AP2M1: variants seen among roughly 807,000 people sequenced by gnomAD.
The protein encoded by AP2M1 is adaptor related protein complex 2 subunit mu 1.
AP2M1 carries 5 observed loss-of-function variants against 54.5 expected under a neutral mutation model. The observed-to-expected ratio is 0.09, with a 90% confidence interval of 0.05 to 0.19. AP2M1 has a LOEUF of 0.19. Ranked by LOEUF, AP2M1 falls within the 10% of genes least tolerant of loss-of-function variation. The pLI is 1.00. For missense variants in AP2M1, 178 were observed against 580.2 expected, an observed-to-expected ratio of 0.31 and a Z score of 7.12; for synonymous variants, 186 against 208.2, an observed-to-expected ratio of 0.89 and a Z score of 0.92.
chr3:184,183,744 A>G lies in AP2M1; in HGVS notation c.*128A>G. 2.6e-6 allele frequency: 3 copies of G among 1,164,404 alleles called. No individual in the cohort carries two copies. The highest frequency in any genetic ancestry group is 3.6e-6 in the Non-Finnish European group (3 of 829,446). The allele number at this position is 1,164,404 out of a possible 1,614,324, so 72.1% of individuals were successfully genotyped here. On this transcript the variant is annotated 3_prime_UTR_variant, in exon 12 of 12. Coordinates refer to ENST00000292807, the MANE Select transcript of AP2M1 (RefSeq NM_004068.4). The surrounding 1 kb of genome is among the most constrained non-coding windows in gnomAD (Gnocchi z 5.7). ...GCTGCCTTCCCTTTGCACCAGCCCGAGTCTAGGTCTGGGCCAAGCACATTA... is the reference window on the plus strand; with the variant it reads ...GCTGCCTTCCCTTTGCACCAGCCCGGGTCTAGGTCTGGGCCAAGCACATTA...
Position 184,176,932 on chromosome 3 carries a change from C to T in AP2M1, c.-43-19C>T. ...AGCGATTCTGAGGTCTTCTTTTACCCTGCCCCCGCCTGTCCTAGGTCTGTT... is the reference window on the plus strand; with the variant it reads ...AGCGATTCTGAGGTCTTCTTTTACCTTGCCCCCGCCTGTCCTAGGTCTGTT... On this transcript the variant is annotated intron_variant, in intron 1 of 11. Transcript: ENST00000292807. 1 of 1,561,016 alleles carries T rather than the reference C, an allele frequency of 6.4e-7. No individual in the cohort carries two copies.
At position 184,183,408 on chromosome 3, in the gene AP2M1, A is replaced by G; in HGVS notation, c.1174-74A>G. 1.3e-6 allele frequency: 2 copies of G among 1,593,506 alleles called. No individual in the cohort carries two copies. The highest frequency in any genetic ancestry group is 1.7e-6 in the Non-Finnish European group (2 of 1,168,344). ...ACCTGTAGTAGCGATGAAGTAGGGC[A>G]GGGCAACGGGACTTCCCAGAGGAGA... is the stretch of plus-strand genomic sequence containing the variant. On this transcript the variant is annotated intron_variant, in intron 11 of 11. Coordinates refer to ENST00000292807, the MANE Select transcript of AP2M1 (RefSeq NM_004068.4). This position sits in a 1 kb window ranked among gnomAD's most constrained non-coding sequence, Gnocchi z 5.7.
Position 184,174,962 on chromosome 3 carries a change from G to A in AP2M1, c.-44+3G>A. 1 of 398,812 alleles carries A rather than the reference G, an allele frequency of 2.5e-6. No individual in the cohort carries two copies. 24.7% of individuals were successfully genotyped at this position (398,812 alleles called of 1,614,324 possible). A position where few individuals can be genotyped will look rare whatever the true frequency, so the allele number is the denominator to read the frequency against. ...GAGCAGGGGGCCGAGGACACCAGGTGAGCCGGGGATCTGGCCTTATGGCGT... is the reference window on the plus strand; with the variant it reads ...GAGCAGGGGGCCGAGGACACCAGGTAAGCCGGGGATCTGGCCTTATGGCGT... On this transcript the variant is annotated splice_donor_region_variant and intron_variant, in intron 1 of 11. Coordinates refer to ENST00000292807, the MANE Select transcript of AP2M1 (RefSeq NM_004068.4).
chr3:184,183,779 C>A lies in AP2M1; in HGVS notation c.*163C>A. The A allele has an allele frequency of 3.7e-6, 3 of 812,902 alleles. No homozygotes were observed. The highest frequency in any genetic ancestry group is 2.8e-5 in the East Asian group (1 of 36,036). 50.4% of individuals were successfully genotyped at this position (812,902 alleles called of 1,614,324 possible). The stretch of plus-strand genomic sequence containing the variant: ...TGGGCCAAGCACATTACAAGTGGGA[C>A]CGGTGGAGCAGCCCCTGGGCTCCCT... On this transcript the variant is annotated 3_prime_UTR_variant, in exon 12 of 12. Transcript: ENST00000292807. The surrounding 1 kb of genome is among the most constrained non-coding windows in gnomAD (Gnocchi z 5.7).
In AP2M1 at chr3:184,181,107, G is replaced by T; in HGVS notation, c.588G>T (p.Val196=). ...SPQGQVLSAH[V]SGRVVMKSYL... ...CAGGGCAGGTGCTGAGTGCCCATGT[G>T]TCGGGCCGGGTGGTGATGAAGAGCT... Residue 196 remains valine, a synonymous_variant, in exon 7 of 12, where the codon GTG becomes GTT. Coordinates refer to ENST00000292807, the MANE Select transcript of AP2M1 (RefSeq NM_004068.4). The surrounding 1 kb of genome is among the most constrained non-coding windows in gnomAD (Gnocchi z 5.7). 6.2e-7 allele frequency: 1 copy of T among 1,614,190 alleles called. No homozygotes were observed. Among genetic ancestry groups the T allele is most frequent in the Non-Finnish European group, 8.5e-7 (1 of 1,180,022 alleles).
At position 184,180,104 on chromosome 3, in the gene AP2M1, G is replaced by C; in HGVS notation, c.341-65G>C. 1 of 1,523,996 alleles carries C rather than the reference G, an allele frequency of 6.6e-7. No individual in the cohort carries two copies. Among genetic ancestry groups the C allele is most frequent in the Non-Finnish European group, 9.1e-7 (1 of 1,100,812 alleles). 94.4% of individuals were successfully genotyped at this position (1,523,996 alleles called of 1,614,324 possible). On this transcript the variant is annotated intron_variant, in intron 3 of 11. Transcript: ENST00000292807. The surrounding 1 kb of genome is among the most constrained non-coding windows in gnomAD (Gnocchi z 4.9). ...GGGAGCTGTGCCGGTCAGATGTGTA[G>C]GCCCAAGTAGGGGCTGGAATGAAGA...
Position 184,180,661 on chromosome 3 carries a change from C to T in AP2M1, c.429+11C>T. ...GGCCTCCAGCATCAGGTAAGCTCTT[C>T]CCTCAGCTTCCACCCTTGCAGCTTT... On this transcript the variant is annotated intron_variant, in intron 5 of 11. Coordinates refer to ENST00000292807, the MANE Select transcript of AP2M1 (RefSeq NM_004068.4). This position sits in a 1 kb window ranked among gnomAD's most constrained non-coding sequence, Gnocchi z 4.9. 3 of 1,614,228 alleles carry T rather than the reference C, an allele frequency of 1.9e-6. No homozygotes were observed. Among genetic ancestry groups the T allele is most frequent in the South Asian group, 1.1e-5 (1 of 91,088 alleles).
In AP2M1 at chr3:184,182,643, C is replaced by T; in HGVS notation, c.1062-114C>T. ...GGTTAGCAGGGTCCTGACCACTTCT[C>T]CTTGTTCTGGCACCTCCTGCAAGCT... On this transcript the variant is annotated intron_variant, in intron 10 of 11. Transcript: ENST00000292807. This position sits in a 1 kb window ranked among gnomAD's most constrained non-coding sequence, Gnocchi z 5.5. The T allele has an allele frequency of 1.2e-6, 1 of 836,500 alleles. No individual in the cohort carries two copies. Among genetic ancestry groups the T allele is most frequent in the Non-Finnish European group, 1.9e-6 (1 of 522,656 alleles). 51.8% of individuals were successfully genotyped at this position (836,500 alleles called of 1,614,324 possible).
chr3:184,176,886 A>G, intron 1 of AP2M1, 65 bp from the exon 2 acceptor site: 2 of 1,179,692 alleles, frequency 1.7e-6, no homozygotes, highest in South Asian at 1.5e-5. Flanking sequence ...TGACCTGCAC[A>G]GCTCCACAGG....
At chr3:184,175,230 G>T (rs921891174) in intron 1 of AP2M1, 1 of 369,342 alleles carries the variant, frequency 2.7e-6, no homozygotes, top group Non-Finnish European at 4.8e-6. Context: ...GAGCAGGAAC[G>T]CTGCGCAGCG....
Position 184,183,537 on chromosome 3 carries a change from A to G in AP2M1, c.1229A>G (p.Lys410Arg). ...CGCTACTTGAAGGTGTTTGAACCGA[A>G]GCTGAACTACAGCGACCATGATGTC... ...KVRYLKVFEP[K>R]LNYSDHDVIK... The change falls in exon 12 of 12, where the codon AAG (lysine) becomes AGG (arginine). Residue 410 changes from lysine (K) to arginine (R), a missense_variant. Around this residue, in one of 5 missense-constraint regions of AP2M1, gnomAD observed 59 missense variants for 176.8 expected, o/e 0.33. Coordinates refer to ENST00000292807, the MANE Select transcript of AP2M1 (RefSeq NM_004068.4). This position sits in a 1 kb window ranked among gnomAD's most constrained non-coding sequence, Gnocchi z 5.7. 6.2e-7 allele frequency: 1 copy of G among 1,614,136 alleles called. No individual in the cohort carries two copies. The highest frequency in any genetic ancestry group is 8.5e-7 in the Non-Finnish European group (1 of 1,180,020).
In AP2M1 at chr3:184,180,564, T is replaced by C. The variant is rs1205264878; in HGVS notation, c.424-81T>C. ...CGAGCTTGGGCCCTCTCCTCTAGGATCCAAGCCTCATAGCTTTCTCCTCCT... is the reference window on the plus strand; with the variant it reads ...CGAGCTTGGGCCCTCTCCTCTAGGACCCAAGCCTCATAGCTTTCTCCTCCT... On this transcript the variant is annotated intron_variant, in intron 4 of 11. Coordinates refer to ENST00000292807, the MANE Select transcript of AP2M1 (RefSeq NM_004068.4). The surrounding 1 kb of genome is among the most constrained non-coding windows in gnomAD (Gnocchi z 4.9). The C allele has an allele frequency of 6.2e-7, 1 of 1,608,468 alleles. No homozygotes were observed. Among genetic ancestry groups the C allele is most frequent in the Admixed American group, 1.7e-5 (1 of 59,922 alleles).
chr3:184,176,674 G>A, intron 1 of AP2M1: 1 of 441,756 alleles, frequency 2.3e-6, no homozygotes. Flanking sequence ...GTGCTGGGGA[G>A]AGGGGGCGGG....
Position 184,177,552 on chromosome 3 carries a change from G to T in AP2M1, c.74+485G>T, listed in dbSNP as rs766817198. On this transcript the variant is annotated intron_variant, in intron 2 of 11. Transcript: ENST00000292807. ...CTGCTCCCTTTCTCAGGAGTCGTCA[G>T]GCTGCTGACTCAGCTGTCTTCAGTT... is the stretch of plus-strand genomic sequence containing the variant. 170 of 1,535,820 alleles carry T rather than the reference G, an allele frequency of 1.1e-4. No individual in the cohort carries two copies. Among genetic ancestry groups the T allele is most frequent in the Non-Finnish European group, 1.4e-4 (157 of 1,146,712 alleles).
At chr3:184,175,079 C>T (rs111402581) in intron 1 of AP2M1, 120 bp downstream of exon 1, 12,673 of 396,396 alleles carry the variant, frequency 0.032, 295 homozygotes, top group Non-Finnish European at 0.045. Flanking sequence ...CCGGGAGTGG[C>T]TTCAGCCTTC....
In AP2M1 at chr3:184,181,912, G is replaced by A. The variant is rs1456878834; in HGVS notation, c.828G>A (p.Arg276=). Residue 276 remains arginine, a splice_region_variant and synonymous_variant, in exon 9 of 12, where the codon AGG becomes AGA. Coordinates refer to ENST00000292807, the MANE Select transcript of AP2M1 (RefSeq NM_004068.4). The surrounding 1 kb of genome is among the most constrained non-coding windows in gnomAD (Gnocchi z 5.7). ...IPPDGEFELM[R]YRTTKDIILP... ...GTAACCTTGCTTCCCATCCCTTAAGGTATCGCACAACCAAGGACATCATCC... is the reference window on the plus strand; with the variant it reads ...GTAACCTTGCTTCCCATCCCTTAAGATATCGCACAACCAAGGACATCATCC... 6.2e-7 allele frequency: 1 copy of A among 1,613,942 alleles called. No homozygotes were observed. The highest frequency in any genetic ancestry group is 1.3e-5 in the African/African-American group (1 of 74,908).
rs1421122422 is a variant in AP2M1, at chr3:184,180,005, C to T, written c.341-164C>T. On this transcript the variant is annotated intron_variant, in intron 3 of 11. Coordinates refer to ENST00000292807, the MANE Select transcript of AP2M1 (RefSeq NM_004068.4). This position sits in a 1 kb window ranked among gnomAD's most constrained non-coding sequence, Gnocchi z 4.9. ...AAAATCAAACATTTGAATTGTTTTC[C>T]TGTAAAGCACAAATCACAGAATAAA... 1.5e-6 allele frequency: 1 copy of T among 666,196 alleles called. No homozygotes were observed. Among genetic ancestry groups the T allele is most frequent in the Non-Finnish European group, 2.6e-6 (1 of 389,736 alleles). 41.3% of individuals were successfully genotyped at this position (666,196 alleles called of 1,614,324 possible). A position where few individuals can be genotyped will look rare whatever the true frequency, so the allele number is the denominator to read the frequency against.
intron 3 of AP2M1, among the ~76,000 whole-genome samples, chr3:184,179,724 A>G (rs1715209568): frequency 6.8e-6 from 1 of 146,742 alleles, no homozygotes; most frequent in Non-Finnish European, 1.5e-5. Flanking sequence ...GCAGTGGTGC[A>G]ATTGCAGCTT....
At chr3:184,177,116 G>GC (rs776152866) in intron 2 of AP2M1, 49 bp downstream of exon 2, 1 of 1,569,940 alleles carries the variant, frequency 6.4e-7, no homozygotes. Flanking sequence ...CAGCCCCCCA[G>GC]CCCCAGCATA....
Sources: allele counts gnomAD v4.1 joint callset (sites outside exome capture counted in the v4.1 genomes callset), GRCh38; gene constraint gnomAD v4.1.1; regional missense constraint gnomAD v4.1.1; non-coding constraint Gnocchi (gnomAD v3.1); transcripts MANE v1.5; gene names NCBI Gene and HGNC (gene_info 2026-07-23, HGNC 2026-07-21).